DNAH9: variants seen among roughly 807,000 people sequenced by gnomAD.
The protein encoded by DNAH9 is DNAH9 variant protein.
Under a neutral mutation model 471.6 loss-of-function variants are expected in DNAH9, and 345 were observed. That is an observed-to-expected ratio of 0.73 (90% confidence interval 0.67 to 0.80). The LOEUF is 0.80. Ranked by LOEUF, DNAH9 falls within the 30% of genes least tolerant of loss-of-function variation. The probability of loss-of-function intolerance (pLI) is 0.00; values close to 1 mark genes in which losing one functional copy is unlikely to be tolerated. For missense variants in DNAH9, 5,407 were observed against 5,609.2 expected (o/e 0.96, Z 1.15); for synonymous variants, 2,093 against 2,123.6 (o/e 0.99, Z 0.40).
intron 19 of DNAH9, among the ~76,000 whole-genome samples, chr17:11,688,548 TGATG>T (rs2074278459): frequency 6.6e-6 from 1 of 152,242 alleles, no homozygotes; most frequent in South Asian, 2.1e-4. Flanking sequence ...TGCCTGAAGC[TGATG>T]CAGGCACCAG....
At chr17:11,701,012 C>T in intron 23 of DNAH9, 110 bp from the exon 24 acceptor site, 1 of 1,188,990 alleles carries the variant, frequency 8.4e-7, no homozygotes, top group Non-Finnish European at 1.2e-6. Flanking sequence ...GGGCTGTATA[C>T]AATGTGTGGG....
intron 51 of DNAH9, 79 bp from the exon 52 acceptor site, chr17:11,871,519 C>T (rs149843193): frequency 4.7e-5 from 62 of 1,307,588 alleles, no homozygotes; most frequent in Middle Eastern, 1.9e-4. Context: ...GTGCAGCGGG[C>T]GCTCTCCATG....
intron 17 of DNAH9, among the ~76,000 whole-genome samples, chr17:11,678,953 T>C (rs2074090674): frequency 6.6e-6 from 1 of 152,216 alleles, no homozygotes; most frequent in African/African-American, 2.4e-5. Context: ...GTTTAGAAAC[T>C]GCTCCACGTA....
Position 11,793,638 on chromosome 17 carries a change from A to G in DNAH9, c.8197A>G (p.Thr2733Ala), listed in dbSNP as rs1313226408. The change falls in exon 42 of 69, where the codon ACA (threonine) becomes GCA (alanine). Residue 2733 changes from threonine (T) to alanine (A), a missense_variant. Around this residue, in one of 3 missense-constraint regions of DNAH9, gnomAD observed 4,636 missense variants for 4,900.3 expected, o/e 0.95. Coordinates refer to ENST00000262442, the MANE Select transcript of DNAH9 (RefSeq NM_001372.4). ...KDFDLFDKIQ[T>A]EVLKKTFDDI... ...CTTTGATCTTTTTGATAAAATCCAGACAGAAGTGCTCAAGAAAACTTTTGA... is the reference window on the plus strand; with the variant it reads ...CTTTGATCTTTTTGATAAAATCCAGGCAGAAGTGCTCAAGAAAACTTTTGA... 6 of 1,612,894 alleles carry G rather than the reference A, an allele frequency of 3.7e-6. No individual in the cohort carries two copies. The Admixed American group carries it at 8.4e-5, about 22-fold the overall frequency.
chr17:11,635,529 T>A (rs1027661757), intron 8 of DNAH9, among the ~76,000 whole-genome samples: 8 of 152,128 alleles, frequency 5.3e-5, no homozygotes, highest in Non-Finnish European at 1.2e-4. Flanking sequence ...AACCATGCAC[T>A]GAGCAGTTTT....
Position 11,729,427 on chromosome 17 carries a change from A to G in DNAH9, c.5814+1505A>G, listed in dbSNP as rs73292633. Among the ~76,000 whole-genome samples the G allele has an allele frequency of 3.8e-3, 580 of 152,092 alleles. 2 individuals carry two copies. The highest frequency in any genetic ancestry group is 0.012 in the African/African-American group (503 of 41,490). On this transcript the variant is annotated intron_variant, in intron 28 of 68. Coordinates refer to ENST00000262442, the MANE Select transcript of DNAH9 (RefSeq NM_001372.4). Reference sequence around the variant, plus strand: ...TGCTTGGGACAATTATGTGCCTGGTACTCCTAGTGTGTGCCGCACACCATA... The same window carrying G: ...TGCTTGGGACAATTATGTGCCTGGTGCTCCTAGTGTGTGCCGCACACCATA...
At chr17:11,731,077 GTGA>G (rs202151909) in intron 28 of DNAH9, among the ~76,000 whole-genome samples, 30,518 of 125,730 alleles carry the variant, frequency 0.24, 3,241 homozygotes, top group East Asian at 0.39. Flanking sequence ...GGTGATGATA[GTGA>G]TGATGATGGT....
At chr17:11,944,197 C>T (rs1975039090) in intron 67 of DNAH9, among the ~76,000 whole-genome samples, 1 of 152,220 alleles carries the variant, frequency 6.6e-6, no homozygotes, top group South Asian at 2.1e-4. Context: ...AGTCTCAGCA[C>T]TGCCTGCTGG....
chr17:11,710,968 A>G (rs1255076068), intron 26 of DNAH9, among the ~76,000 whole-genome samples: 1 of 152,202 alleles, frequency 6.6e-6, no homozygotes, highest in Non-Finnish European at 1.5e-5. Flanking sequence ...ATCAGGGTTT[A>G]AACTCTCTCA....
At chr17:11,709,138 C>T (rs758326172) in intron 26 of DNAH9, among the ~76,000 whole-genome samples, 16 of 152,068 alleles carry the variant, frequency 1.1e-4, no homozygotes, top group Admixed American at 3.3e-4. Flanking sequence ...TATACTAGTG[C>T]TGAATACCTT....
intron 1 of DNAH9, among the ~76,000 whole-genome samples, chr17:11,606,575 A>AAGTAGCTGGG (rs138230508): frequency 0.51 from 76,123 of 149,940 alleles, 19,687 homozygotes; most frequent in Non-Finnish European, 0.56. Context: ...CAGCCTCCTG[A>AAGTAGCTGGG]AGTAGCTGGG....
chr17:11,939,047 A>G (rs943495947), intron 66 of DNAH9, among the ~76,000 whole-genome samples: 3 of 152,242 alleles, frequency 2.0e-5, no homozygotes, highest in African/African-American at 7.2e-5. Flanking sequence ...GTATGGAGTC[A>G]TGTCATCAAA....
intron 49 of DNAH9, among the ~76,000 whole-genome samples, chr17:11,846,373 G>C (rs1380299203): frequency 1.3e-5 from 2 of 150,366 alleles, no homozygotes; most frequent in African/African-American, 2.5e-5. Flanking sequence ...TCTCTGTTTT[G>C]GTACCAGTAC....
intron 49 of DNAH9, among the ~76,000 whole-genome samples, chr17:11,852,924 C>T (rs143396341): frequency 0.044 from 5,789 of 131,696 alleles, 176 homozygotes; most frequent in Non-Finnish European, 0.062. Flanking sequence ...AAAGTATATA[C>T]AAGAAATATA....
rs1000325870 is a variant in DNAH9, at chr17:11,675,757, C to T, written c.3354-4000C>T. The stretch of plus-strand genomic sequence containing the variant: ...TATTATTTGGCTTCTAATGTTAAAA[C>T]AACCTAGCATCTGAGATATGCCCAA... On this transcript the variant is annotated intron_variant, in intron 17 of 68. Coordinates refer to ENST00000262442, the MANE Select transcript of DNAH9 (RefSeq NM_001372.4). Among the ~76,000 whole-genome samples the T allele has an allele frequency of 2.6e-5, 4 of 152,170 alleles. No homozygotes were observed. The East Asian group carries it at 7.7e-4, about 29-fold the overall frequency.
intron 48 of DNAH9, among the ~76,000 whole-genome samples, chr17:11,832,209 G>A (rs1970705923): frequency 6.6e-6 from 1 of 152,188 alleles, no homozygotes; most frequent in Non-Finnish European, 1.5e-5. Flanking sequence ...AATTCTGACT[G>A]ATGGGACCCT....
At chr17:11,945,715 G>A (rs1480029173) in intron 67 of DNAH9, among the ~76,000 whole-genome samples, 1 of 151,870 alleles carries the variant, frequency 6.6e-6, no homozygotes, top group Non-Finnish European at 1.5e-5. Flanking sequence ...CAGGTGACAA[G>A]TGCACTAAAA....
At chr17:11,843,888 T>TATATATATATATACATACATAC (rs1188211391) in intron 49 of DNAH9, among the ~76,000 whole-genome samples, 2 of 133,090 alleles carry the variant, frequency 1.5e-5, no homozygotes, top group Admixed American at 7.7e-5. Context: ...TATATATATA[T>TATATATATATATACATACATAC]ATACACATAG....
chr17:11,804,789 G>T (rs980573305), intron 43 of DNAH9, among the ~76,000 whole-genome samples: 1 of 151,776 alleles, frequency 6.6e-6, no homozygotes, highest in African/African-American at 2.4e-5. Flanking sequence ...AAGGGGAATG[G>T]CGTGAACCCA....
Sources: allele counts gnomAD v4.1 joint callset (sites outside exome capture counted in the v4.1 genomes callset), GRCh38; gene constraint gnomAD v4.1.1; regional missense constraint gnomAD v4.1.1; transcripts MANE v1.5; gene names NCBI Gene and HGNC (gene_info 2026-07-23, HGNC 2026-07-21).